The following DPP4 variants were observed in gnomAD, a reference collection of about 807,000 sequenced individuals.
DPP4 encodes ADCP-2.
In DPP4, 93 loss-of-function variants were observed where a neutral mutation model predicts 122.4. The observed-to-expected ratio is 0.76, with a 90% CI of 0.64 to 0.90. The LOEUF is 0.90. Ranked by LOEUF, DPP4 falls within the 40% of genes least tolerant of loss-of-function variation. The probability of loss-of-function intolerance (pLI) is 0.00; values close to 1 mark genes in which losing one functional copy is unlikely to be tolerated. For missense variants in DPP4, 914 were observed against 907.3 expected, an observed-to-expected ratio of 1.01 and a Z score of -0.09; for synonymous variants, 321 against 302.9, an observed-to-expected ratio of 1.06 and a Z score of -0.62.
At chr2:162,019,334 G>A in intron 14 of DPP4, 58 bp from the exon 15 acceptor site, 1 of 1,212,950 alleles carries the variant, frequency 8.2e-7, no homozygotes. Context: ...AGTCAGAGGC[G>A]ATCCACCGCA....
chr2:162,066,780 G>A lies in DPP4; in HGVS notation c.94+6619C>T, dbSNP rs149797913. On this transcript the variant is annotated intron_variant, in intron 2 of 25. Transcript: ENST00000360534. The stretch of plus-strand genomic sequence containing the variant: ...TCTACTTATAGCAGAAGGTGAAGGG[G>A]AGGCTGGCATGTGCAGAGATCACAT... Among the ~76,000 whole-genome samples, 415 of 152,310 alleles carry A rather than the reference G, an allele frequency of 2.7e-3. 2 individuals are homozygous for A. The highest frequency in any genetic ancestry group is 9.7e-3 in the African/African-American group (401 of 41,552).
chr2:162,011,383 T>C (rs1682702592), intron 20 of DPP4, among the ~76,000 whole-genome samples: 1 of 152,132 alleles, frequency 6.6e-6, no homozygotes, highest in East Asian at 1.9e-4. Context: ...GCCTATGACG[T>C]AAATGTACAC....
Position 162,031,980 on chromosome 2 carries a change from C to A in DPP4, c.887+1561G>T, listed in dbSNP as rs559599903. 3.9e-5 allele frequency: 6 copies of A among 152,220 alleles called. No individual in the cohort carries two copies. In the East Asian group the frequency reaches 1.2e-3, roughly 29 times the overall value. 9.4% of individuals were successfully genotyped at this position (152,220 alleles called of 1,614,324 possible). A position where few individuals can be genotyped will look rare whatever the true frequency, so the allele number is the denominator to read the frequency against. Reference sequence around the variant, plus strand: ...TTAAAAACTTACTAATCGATTTTCCCCCTGAATGAATGGGTTACTACAGAC... The same window carrying A: ...TTAAAAACTTACTAATCGATTTTCCACCTGAATGAATGGGTTACTACAGAC... On this transcript the variant is annotated intron_variant, in intron 10 of 25. Coordinates refer to ENST00000360534, the MANE Select transcript of DPP4 (RefSeq NM_001935.4).
chr2:162,016,961 G>T, intron 17 of DPP4, 95 bp from the exon 18 acceptor site: 2 of 1,411,918 alleles, frequency 1.4e-6, no homozygotes, highest in Non-Finnish European at 2.0e-6. Context: ...TCACTGATCG[G>T]ACTACACATA....
intron 2 of DPP4, among the ~76,000 whole-genome samples, chr2:162,064,768 A>C (rs1684895051): frequency 6.6e-6 from 1 of 152,198 alleles, no homozygotes; most frequent in Non-Finnish European, 1.5e-5. Context: ...TGCCAAAAGA[A>C]AGAAAGGGCT....
intron 10 of DPP4, among the ~76,000 whole-genome samples, chr2:162,028,195 C>A (rs1222515206): frequency 6.6e-6 from 1 of 151,986 alleles, no homozygotes; most frequent in Non-Finnish European, 1.5e-5. Flanking sequence ...TACCCTGTGT[C>A]TACTAAAAAT....
chr2:162,038,820 G>A, intron 7 of DPP4, 129 bp downstream of exon 7: 1 of 809,226 alleles, frequency 1.2e-6, no homozygotes, highest in Non-Finnish European at 2.0e-6. Flanking sequence ...TTAGATCCTG[G>A]GCAATAACAC....
At chr2:162,008,483 C>A in intron 22 of DPP4, 79 bp downstream of exon 22, 1 of 1,230,476 alleles carries the variant, frequency 8.1e-7, no homozygotes. Flanking sequence ...AACACTGAAA[C>A]TCAGAAAGGA....
intron 2 of DPP4, among the ~76,000 whole-genome samples, chr2:162,052,986 G>A (rs911454327): frequency 1.3e-5 from 2 of 152,066 alleles, no homozygotes; most frequent in Non-Finnish European, 2.9e-5. Context: ...AAGGATATCC[G>A]GCAGAAGAAA....
chr2:162,038,928 C>T (rs1245420242), intron 7 of DPP4, 21 bp downstream of exon 7: 2 of 1,611,490 alleles, frequency 1.2e-6, no homozygotes, highest in Non-Finnish European at 1.7e-6. Flanking sequence ...ATTTTTCTGA[C>T]AACTGGAGAG....
chr2:162,024,587 C>T (rs1031847478), intron 11 of DPP4, among the ~76,000 whole-genome samples: 35 of 152,302 alleles, frequency 2.3e-4, no homozygotes, highest in African/African-American at 8.2e-4. Context: ...ATAACTAAAA[C>T]AGTATGACTA....
At chr2:162,010,219 A>C (rs962355625) in intron 20 of DPP4, among the ~76,000 whole-genome samples, 1 of 152,216 alleles carries the variant, frequency 6.6e-6, no homozygotes, top group Non-Finnish European at 1.5e-5. Context: ...CAGATCATTC[A>C]TGTATAATTT....
At chr2:162,048,035 T>G (rs1450194411) in intron 2 of DPP4, among the ~76,000 whole-genome samples, 1 of 152,144 alleles carries the variant, frequency 6.6e-6, no homozygotes, top group Non-Finnish European at 1.5e-5. Context: ...TGTGGCCAGG[T>G]GTTCAACGAC....
rs918028918 is a variant in DPP4 at position 162,024,998 on chromosome 2, C to T, written c.888-59G>A. 11 of 1,576,928 alleles carry T rather than the reference C, an allele frequency of 7.0e-6. No individual in the cohort carries two copies. The Admixed American group carries it at 1.9e-4, about 28-fold the overall frequency. On this transcript the variant is annotated intron_variant, in intron 10 of 25. Coordinates refer to ENST00000360534, the MANE Select transcript of DPP4 (RefSeq NM_001935.4). ...GAGAATGAACATGACTATTGCCAGA[C>T]CTTGGTACAAATAGACATTTTACTC... is the stretch of plus-strand genomic sequence containing the variant.
At chr2:162,070,128 G>A in intron 2 of DPP4, among the ~76,000 whole-genome samples, 1 of 152,008 alleles carries the variant, frequency 6.6e-6, no homozygotes, top group East Asian at 1.9e-4. Flanking sequence ...TGATTCTTGG[G>A]GAAACTGAAT....
chr2:162,070,288 A>G (rs1007202725), intron 2 of DPP4, among the ~76,000 whole-genome samples: 1 of 152,134 alleles, frequency 6.6e-6, no homozygotes, highest in African/African-American at 2.4e-5. Context: ...ATTCTTAAAT[A>G]TATGACAATA....
Position 162,074,129 on chromosome 2 carries a change from G to C in DPP4, c.-148C>G. The C allele has an allele frequency of 7.1e-7, 1 of 1,411,060 alleles. No individual in the cohort carries two copies. The highest frequency in any genetic ancestry group is 9.2e-7 in the Non-Finnish European group (1 of 1,082,746). 87.4% of individuals were successfully genotyped at this position (1,411,060 alleles called of 1,614,324 possible). On this transcript the variant is annotated 5_prime_UTR_variant, in exon 1 of 26. Transcript: ENST00000360534. ...TTTCGGCCCCGAGTTAAACATTAGTGAGCGCCGAGCCCGCTGGGTATAAAG... is the reference window on the plus strand; with the variant it reads ...TTTCGGCCCCGAGTTAAACATTAGTCAGCGCCGAGCCCGCTGGGTATAAAG...
At chr2:162,056,670 C>A (rs560842593) in intron 2 of DPP4, among the ~76,000 whole-genome samples, 2 of 152,272 alleles carry the variant, frequency 1.3e-5, no homozygotes, top group African/African-American at 4.8e-5. Flanking sequence ...AATAGTCCCT[C>A]CCAAAACTGA....
intron 5 of DPP4, among the ~76,000 whole-genome samples, chr2:162,039,971 A>G (rs997374500): frequency 6.6e-6 from 1 of 152,100 alleles, no homozygotes; most frequent in East Asian, 1.9e-4. Context: ...GAAAAATGGG[A>G]TATCACAACA....
Sources: gnomAD v4.1 joint callset for allele counts (sites outside exome capture counted in the v4.1 genomes callset) on GRCh38, gnomAD v4.1.1 for gene constraint, MANE v1.5 for transcripts, NCBI Gene and HGNC (gene_info 2026-07-23, HGNC 2026-07-21) for gene names.